PTCD3: variants seen among roughly 807,000 people sequenced by gnomAD.
PTCD3 encodes pentatricopeptide repeat domain 3.
A neutral mutation model predicts 101.9 loss-of-function variants in PTCD3; 89 were observed. The ratio of observed to expected loss-of-function variants is 0.87; its 90% confidence interval spans 0.74 to 1.04. PTCD3 has a LOEUF of 1.04. Ranked by LOEUF, PTCD3 falls within the 50% of genes least tolerant of loss-of-function variation. The pLI is 0.00. For synonymous variants in PTCD3, 296 were observed against 278.5 expected (o/e 1.06, Z -0.63); for missense variants, 870 against 828.2 (o/e 1.05, Z -0.62).
rs1198492806 is a variant in PTCD3 at position 86,138,703 on chromosome 2, C to T, written c.*1144C>T. The T allele has an allele frequency of 6.7e-6, 1 of 148,896 alleles. No homozygotes were observed. Among genetic ancestry groups the T allele is most frequent in the South Asian group, 2.1e-4 (1 of 4,762 alleles). 9.2% of individuals were successfully genotyped at this position (148,896 alleles called of 1,614,324 possible). ...AAAAAAAAAAAAGCCGATATAGTAG[C>T]TAGCTACTTAAGCATCCATGGGTAT... On this transcript the variant is annotated 3_prime_UTR_variant, in exon 24 of 24. Coordinates refer to ENST00000254630, the MANE Select transcript of PTCD3 (RefSeq NM_017952.6).
Position 86,131,062 on chromosome 2 carries a change from G to A in PTCD3, c.1238-16G>A. 6.2e-7 allele frequency: 1 copy of A among 1,601,482 alleles called. No individual in the cohort carries two copies. The highest frequency in any genetic ancestry group is 1.7e-5 in the Admixed American group (1 of 57,532). ...TATCCATTGTAACCAAAGCTCTTGT[G>A]AACTTTGATTTTCAGATAAGTTTTT... On this transcript the variant is annotated splice_polypyrimidine_tract_variant and intron_variant, in intron 15 of 23. Coordinates refer to ENST00000254630, the MANE Select transcript of PTCD3 (RefSeq NM_017952.6).
Position 86,125,855 on chromosome 2 carries a change from T to C in PTCD3, c.926T>C (p.Phe309Ser). ...ACAGTATGTGCGATAAATGAGAAAT[T>C]TGAGGAAAAATGGAGTAAAATACTG... is the stretch of plus-strand genomic sequence containing the variant. The part of the protein sequence containing the change: ...EATVCAINEK[F>S]EEKWSKILEL... The change falls in exon 12 of 24, where the codon TTT becomes TCT. Residue 309 changes from phenylalanine (F) to serine (S), a missense_variant. Phe to Ser is a radical substitution (Grantham distance 155). Coordinates refer to ENST00000254630, the MANE Select transcript of PTCD3 (RefSeq NM_017952.6). 1 of 1,607,136 alleles carries C rather than the reference T, an allele frequency of 6.2e-7. No individual in the cohort carries two copies. The highest frequency in any genetic ancestry group is 8.5e-7 in the Non-Finnish European group (1 of 1,173,746).
chr2:86,108,593 G>A lies in PTCD3; in HGVS notation c.194+57G>A. ...TGGTTGAGTGCTTACTATGAGAGAA[G>A]TGTAAGGGTTAGGTAAGGAGACAGT... On this transcript the variant is annotated intron_variant, in intron 3 of 23. Coordinates refer to ENST00000254630, the MANE Select transcript of PTCD3 (RefSeq NM_017952.6). The A allele has an allele frequency of 4.7e-6, 7 of 1,501,992 alleles. No individual in the cohort carries two copies. The South Asian group carries it at 6.4e-5, about 14-fold the overall frequency. The allele number at this position is 1,501,992 out of a possible 1,614,324, so 93.0% of individuals were successfully genotyped here.
chr2:86,116,745 A>G (rs1674185207), intron 5 of PTCD3, 147 bp downstream of exon 5: 1 of 685,678 alleles, frequency 1.5e-6, no homozygotes, highest in African/African-American at 1.8e-5. Context: ...ACTTTCTTCA[A>G]AAAGATGTAC....
At chr2:86,116,670 G>A (rs1674183991) in intron 5 of PTCD3, 72 bp downstream of exon 5, 3 of 1,155,606 alleles carry the variant, frequency 2.6e-6, no homozygotes, top group Admixed American at 3.5e-5. Context: ...AAATAATTTA[G>A]TTGTAATAAC....
intron 3 of PTCD3, 97 bp downstream of exon 3, chr2:86,108,633 T>C (rs1256553050): frequency 4.1e-6 from 5 of 1,210,966 alleles, no homozygotes; most frequent in African/African-American, 1.5e-5. Flanking sequence ...GGAAGAGCAA[T>C]AGGAGAGCAT....
chr2:86,137,465 A>G lies in PTCD3; in HGVS notation c.1980-4A>G. On this transcript the variant is annotated splice_region_variant and splice_polypyrimidine_tract_variant and intron_variant, in intron 23 of 23. Transcript: ENST00000254630. ...TGTAATCCTCCATTTTCTTTTCTTA[A>G]CAGGGAAGCCCTAAGTAATCTAACT... 6.2e-7 allele frequency: 1 copy of G among 1,613,794 alleles called. No individual in the cohort carries two copies. The highest frequency in any genetic ancestry group is 2.2e-5 in the East Asian group (1 of 44,846).
intron 1 of PTCD3, 117 bp downstream of exon 1, chr2:86,106,468 G>A: frequency 1.9e-6 from 2 of 1,037,844 alleles, no homozygotes; most frequent in Non-Finnish European, 2.8e-6. Context: ...CGCCCTTAAC[G>A]GTCGCGTGCC....
intron 8 of PTCD3, 85 bp downstream of exon 8, chr2:86,121,679 C>A: frequency 1.2e-6 from 1 of 823,760 alleles, no homozygotes; most frequent in Non-Finnish European, 1.9e-6. Flanking sequence ...GGTTGTTTTG[C>A]CATGTGTCAG....
intron 4 of PTCD3, among the ~76,000 whole-genome samples, chr2:86,114,072 G>A (rs1200987654): frequency 6.6e-6 from 1 of 151,838 alleles, no homozygotes; most frequent in Non-Finnish European, 1.5e-5. Flanking sequence ...ATAGAATTGT[G>A]TGTAGAATTG....
chr2:86,110,883 A>T, intron 3 of PTCD3: 1 of 728,152 alleles, frequency 1.4e-6, no homozygotes, highest in Non-Finnish European at 2.6e-6. Context: ...GGGTTATGGC[A>T]TTATGCACCA....
In PTCD3 at chr2:86,136,520, G is replaced by T; in HGVS notation, c.1779-1G>T. 6.2e-7 allele frequency: 1 copy of T among 1,610,206 alleles called. No individual in the cohort carries two copies. The highest frequency in any genetic ancestry group is 8.5e-7 in the Non-Finnish European group (1 of 1,176,442). ...CATAATCTTTTTCCTTTCTTGAGCAGGAAAATGTTGGGGCTTTTCAGGAAG... is the reference window on the plus strand; with the variant it reads ...CATAATCTTTTTCCTTTCTTGAGCATGAAAATGTTGGGGCTTTTCAGGAAG... On this transcript the variant is annotated splice_acceptor_variant, in intron 21 of 23. Transcript: ENST00000254630. LOFTEE classifies it high-confidence loss of function.
At position 86,137,617 on chromosome 2, in the gene PTCD3, G is replaced by A. The variant is rs1674612817; in HGVS notation, c.*58G>A. On this transcript the variant is annotated 3_prime_UTR_variant, in exon 24 of 24. Coordinates refer to ENST00000254630, the MANE Select transcript of PTCD3 (RefSeq NM_017952.6). ...CCATAGCTGCTGGAATCACACCTGA[G>A]AACTGAGATATACCAATATTTAACA... The A allele has an allele frequency of 2.5e-6, 4 of 1,606,988 alleles. No homozygotes were observed. Among genetic ancestry groups the A allele is most frequent in the Non-Finnish European group, 3.4e-6 (4 of 1,177,046 alleles).
intron 6 of PTCD3, among the ~76,000 whole-genome samples, chr2:86,117,387 C>T (rs1182116405): frequency 6.6e-6 from 1 of 151,816 alleles, no homozygotes; most frequent in African/African-American, 2.4e-5. Context: ...TGACACCATG[C>T]TCTTAGGTCT....
chr2:86,127,757 T>C, intron 13 of PTCD3, 184 bp from the exon 14 acceptor site: 1 of 596,190 alleles, frequency 1.7e-6, no homozygotes, highest in Non-Finnish European at 3.0e-6. Context: ...ATACAGTCTT[T>C]GTGATAGTTT....
intron 17 of PTCD3, chr2:86,132,778 C>G: frequency 3.4e-6 from 1 of 296,516 alleles, no homozygotes; most frequent in East Asian, 6.8e-5. Context: ...GATACTGGAA[C>G]CTAGAGATAC....
chr2:86,118,878 C>T (rs1187007910), intron 6 of PTCD3, 43 bp from the exon 7 acceptor site: 1 of 1,595,444 alleles, frequency 6.3e-7, no homozygotes, highest in Non-Finnish European at 8.5e-7. Flanking sequence ...CCTTCCCTCA[C>T]CTTTACCTGT....
Position 86,108,341 on chromosome 2 carries a change from T to C in PTCD3, c.105-9T>C, listed in dbSNP as rs1419679892. 8.1e-6 allele frequency: 13 copies of C among 1,608,020 alleles called. No homozygotes were observed. The highest frequency in any genetic ancestry group is 2.2e-5 in the East Asian group (1 of 44,798). On this transcript the variant is annotated splice_polypyrimidine_tract_variant and intron_variant, in intron 1 of 23. Coordinates refer to ENST00000254630, the MANE Select transcript of PTCD3 (RefSeq NM_017952.6). ...GACTATTAGATTTAAGGCTTTTGTT[T>C]TTTTGCAGATTTTATTCTGGTAGTG...
chr2:86,127,362 A>G, intron 13 of PTCD3, 57 bp downstream of exon 13: 3 of 1,527,506 alleles, frequency 2.0e-6, no homozygotes, highest in African/African-American at 1.4e-5. Context: ...CAGAGGTTTC[A>G]GGGCTACATA....
Sources: gnomAD v4.1 joint callset for allele counts (sites outside exome capture counted in the v4.1 genomes callset) on GRCh38, gnomAD v4.1.1 for gene constraint, MANE v1.5 for transcripts, NCBI Gene and HGNC (gene_info 2026-07-23, HGNC 2026-07-21) for gene names.